The following MICAL3 variants were observed in gnomAD, a reference collection of about 807,000 sequenced individuals.
MICAL3 encodes the protein [F-actin]-monooxygenase MICAL3.
A neutral mutation model predicts 207.4 loss-of-function variants in MICAL3; 62 were observed. The ratio of observed to expected loss-of-function variants is 0.30; its 90% CI spans 0.24 to 0.37. The LOEUF (loss-of-function observed/expected upper bound fraction) is 0.37, where lower values mean the gene tolerates loss of function less well. MICAL3 is among the 10% of genes least tolerant of loss of function. MICAL3 has a pLI of 1.00. For missense variants in MICAL3, 2,368 were observed against 2,635.6 expected, an observed-to-expected ratio of 0.90 and a Z score of 2.22; for synonymous variants, 1,077 against 1,069.3, an observed-to-expected ratio of 1.01 and a Z score of -0.14.
At chr22:17,872,958 G>A in intron 16 of MICAL3, 1 of 772,738 alleles carries the variant, frequency 1.3e-6, no homozygotes. Context: ...TTTGGGAAGT[G>A]CAATTTGAAT....
Position 17,902,113 on chromosome 22 carries a change from CAG to C in MICAL3, c.590-136_590-135del, listed in dbSNP as rs1931370530. 3 of 648,166 alleles carry C rather than the reference CAG, an allele frequency of 4.6e-6. No individual in the cohort carries two copies. In the South Asian group the frequency reaches 5.7e-5, roughly 12 times the overall value. 40.2% of individuals were successfully genotyped at this position (648,166 alleles called of 1,614,324 possible). A position where few individuals can be genotyped will look rare whatever the true frequency, so the allele number is the denominator to read the frequency against. On this transcript the variant is annotated intron_variant, in intron 4 of 31. Transcript: ENST00000441493. This position sits in a 1 kb window ranked among gnomAD's most constrained non-coding sequence, Gnocchi z 4.5. ...ACACTATGTGTAGAAGCAGTGGAGA[CAG>C]AGGCTGTGCACGGTGGCTCGTGCCT... is the stretch of plus-strand genomic sequence containing the variant.
chr22:17,805,564 G>A (rs982720465), intron 29 of MICAL3, among the ~76,000 whole-genome samples: 13 of 152,356 alleles, frequency 8.5e-5, no homozygotes, highest in African/African-American at 2.9e-4. Flanking sequence ...GATATCTGCT[G>A]AAGACTCATC....
intron 1 of MICAL3, among the ~76,000 whole-genome samples, chr22:17,928,445 A>G (rs1933038846): frequency 6.9e-6 from 1 of 145,456 alleles, no homozygotes; most frequent in Non-Finnish European, 1.5e-5. Flanking sequence ...TCTCAAAAAA[A>G]AAGAAAGAAA....
chr22:18,015,127 T>C (rs1248953457), intron 1 of MICAL3, among the ~76,000 whole-genome samples: 1 of 152,184 alleles, frequency 6.6e-6, no homozygotes, highest in Admixed American at 6.6e-5. Flanking sequence ...TCAGTAGATA[T>C]TCACAAACTA....
chr22:17,890,547 G>A (rs1357516067), intron 12 of MICAL3, among the ~76,000 whole-genome samples: 1 of 152,176 alleles, frequency 6.6e-6, no homozygotes, highest in Non-Finnish European at 1.5e-5. Flanking sequence ...AGTGACAGGA[G>A]CACCAGAGGT....
At chr22:17,893,478 C>A (rs1384945519) in intron 11 of MICAL3, among the ~76,000 whole-genome samples, 1 of 152,190 alleles carries the variant, frequency 6.6e-6, no homozygotes, top group South Asian at 2.1e-4. Context: ...CTCCCTCTCT[C>A]CCCTCTGCCC....
At chr22:17,969,838 C>T (rs1256330374) in intron 1 of MICAL3, among the ~76,000 whole-genome samples, 1 of 152,202 alleles carries the variant, frequency 6.6e-6, no homozygotes, top group Non-Finnish European at 1.5e-5. Flanking sequence ...TTAGAGAGAA[C>T]TGAGGCTCTC....
At chr22:17,871,585 TC>T (rs2146165541) in intron 17 of MICAL3, among the ~76,000 whole-genome samples, 1 of 152,366 alleles carries the variant, frequency 6.6e-6, no homozygotes, top group Non-Finnish European at 1.5e-5. Context: ...CAAGTAAGTG[TC>T]CCTGAAGTCA....
intron 1 of MICAL3, among the ~76,000 whole-genome samples, chr22:17,957,708 CAAAAAAAAA>C (rs374917425): frequency 9.4e-6 from 1 of 106,322 alleles, no homozygotes; most frequent in Non-Finnish European, 1.9e-5. Flanking sequence ...GAAACTATGT[CAAAAAAAAA>C]AAAAAAAAAA....
chr22:18,000,292 T>C (rs1602383482), intron 1 of MICAL3, among the ~76,000 whole-genome samples: 3 of 151,806 alleles, frequency 2.0e-5, no homozygotes, highest in African/African-American at 7.2e-5. Flanking sequence ...TTGACCTTCA[T>C]TCCTCTACAT....
chr22:17,831,681 C>T (rs552953791), intron 21 of MICAL3, among the ~76,000 whole-genome samples, 173 bp downstream of exon 21: 64 of 152,298 alleles, frequency 4.2e-4, no homozygotes, highest in African/African-American at 1.3e-3. Context: ...GCCTGCTCAA[C>T]GCTACGGTGT....
chr22:17,836,614 C>T (rs1012949675), intron 20 of MICAL3, among the ~76,000 whole-genome samples: 5 of 151,618 alleles, frequency 3.3e-5, no homozygotes, highest in African/African-American at 1.2e-4. Flanking sequence ...AAAGAGCAGG[C>T]TGCTGCCAGG....
intron 12 of MICAL3, 87 bp from the exon 13 acceptor site, chr22:17,889,317 C>G (rs1186564743): frequency 5.1e-6 from 5 of 973,762 alleles, no homozygotes; most frequent in Non-Finnish European, 7.7e-6. Context: ...CGTCCTTTCT[C>G]TGTTTTCAGC....
At position 17,936,641 on chromosome 22, in the gene MICAL3, G is replaced by A. The variant is rs1351117072; in HGVS notation, c.-74-29755C>T. On this transcript the variant is annotated intron_variant, in intron 1 of 31. Coordinates refer to ENST00000441493, the MANE Select transcript of MICAL3 (RefSeq NM_015241.3). Reference sequence around the variant, plus strand: ...TTTATATCTTGATTATGGAGATTATGTGAATATATATTCATCTGTCAATGC... The same window carrying A: ...TTTATATCTTGATTATGGAGATTATATGAATATATATTCATCTGTCAATGC... Among the ~76,000 whole-genome samples, 35 of 151,630 alleles carry A rather than the reference G, an allele frequency of 2.3e-4. No homozygotes were observed. The East Asian group carries it at 6.2e-3, about 27-fold the overall frequency.
At chr22:17,808,974 C>T (rs1252765879) in intron 28 of MICAL3, 37 bp from the exon 29 acceptor site, 2 of 1,516,216 alleles carry the variant, frequency 1.3e-6, no homozygotes, top group East Asian at 2.5e-5. Flanking sequence ...CCCGGCTCTC[C>T]AGCCCTGCTT....
At chr22:17,834,488 G>T in intron 20 of MICAL3, 1 of 1,265,240 alleles carries the variant, frequency 7.9e-7, no homozygotes, top group Non-Finnish European at 1.0e-6. Context: ...GGCTGAGGTG[G>T]GTGGATCATT....
chr22:17,865,892 TTCTCCCCCACTTACAGG>T lies in MICAL3; in HGVS notation c.2517+15_2517+31del. On this transcript the variant is annotated intron_variant, in intron 18 of 31. Transcript: ENST00000441493. ...GCCACACTGCTGCAACACCCACTGC[TTCTCCCCCACTTACAGG>T]AGAGTCACCATTACCTTTCCAGACA... 1 of 1,567,282 alleles carries T rather than the reference TTCTCCCCCACTTACAGG, an allele frequency of 6.4e-7. No homozygotes were observed. The highest frequency in any genetic ancestry group is 8.8e-7 in the Non-Finnish European group (1 of 1,137,556).
At chr22:17,985,169 G>A (rs1333157825) in intron 1 of MICAL3, among the ~76,000 whole-genome samples, 1 of 152,148 alleles carries the variant, frequency 6.6e-6, no homozygotes, top group Non-Finnish European at 1.5e-5. Flanking sequence ...GGGGGAGTCT[G>A]TCCCACAGTC....
rs545398898 is a variant in MICAL3 at position 17,914,276 on chromosome 22, G to C, written c.-74-7390C>G. Among the ~76,000 whole-genome samples, 58 of 152,290 alleles carry C rather than the reference G, an allele frequency of 3.8e-4. 1 individual carries two copies. In the South Asian group the frequency reaches 0.012, roughly 32 times the overall value. On this transcript the variant is annotated intron_variant, in intron 1 of 31. Transcript: ENST00000441493. ...AGCGTGAGAATGGCATTGGGTGGAG[G>C]GGGGTGCTAAAGGAGTAAGATCTGT...
Sources: gnomAD v4.1 joint callset for allele counts (sites outside exome capture counted in the v4.1 genomes callset) on GRCh38, gnomAD v4.1.1 for gene constraint, Gnocchi (gnomAD v3.1) non-coding constraint, MANE v1.5 for transcripts, NCBI Gene and HGNC (gene_info 2026-07-23, HGNC 2026-07-21) for gene names.